NR3C2: variants seen among roughly 807,000 people sequenced by gnomAD.
NR3C2 encodes the protein mineralocorticoid receptor.
A neutral mutation model predicts 86.4 loss-of-function variants in NR3C2; 15 were observed. The ratio of observed to expected loss-of-function variants is 0.17; its 90% CI spans 0.12 to 0.27. The LOEUF is 0.27. Among genes scored for constraint, NR3C2 ranks in the 10% least tolerant of loss-of-function variants. The pLI is 1.00. For synonymous variants in NR3C2, 458 were observed against 450.5 expected (o/e 1.02, Z -0.21); for missense variants, 960 against 1,195.6 (o/e 0.80, Z 2.91).
intron 6 of NR3C2, among the ~76,000 whole-genome samples, chr4:148,149,346 TTTC>T (rs1425789363): frequency 1.3e-5 from 2 of 150,440 alleles, no homozygotes; most frequent in African/African-American, 5.0e-5. Flanking sequence ...TATATGACCT[TTTC>T]TTTTTTTTTG....
rs551984209 is a variant in NR3C2, at chr4:148,198,808, C to T, written c.1898-3946G>A. Among the ~76,000 whole-genome samples the T allele has an allele frequency of 5.9e-5, 9 of 151,536 alleles. No individual in the cohort carries two copies. In the South Asian group the frequency reaches 1.5e-3, roughly 25 times the overall value. On this transcript the variant is annotated intron_variant, in intron 3 of 8. Coordinates refer to ENST00000358102, the MANE Select transcript of NR3C2 (RefSeq NM_000901.5). Reference sequence around the variant, plus strand: ...CTTAAAAAAAAAATGGGGCCAGGTGCGGTGGCTCACGCCTGTAATCCCAGC... The same window carrying T: ...CTTAAAAAAAAAATGGGGCCAGGTGTGGTGGCTCACGCCTGTAATCCCAGC...
chr4:148,281,808 CT>C (rs1561017454), intron 2 of NR3C2, among the ~76,000 whole-genome samples: 3 of 152,214 alleles, frequency 2.0e-5, no homozygotes, highest in Admixed American at 1.3e-4. Flanking sequence ...AAAGATGCTC[CT>C]GTCCTTTGGA....
intron 2 of NR3C2, among the ~76,000 whole-genome samples, chr4:148,273,762 G>A (rs572253358): frequency 1.3e-5 from 2 of 152,266 alleles, no homozygotes; most frequent in African/African-American, 4.8e-5. Flanking sequence ...CCAGGTCAAG[G>A]CTAGGAACTA....
chr4:148,346,789 A>G (rs920113123), intron 2 of NR3C2, among the ~76,000 whole-genome samples: 4 of 149,980 alleles, frequency 2.7e-5, no homozygotes, highest in Admixed American at 2.7e-4. Flanking sequence ...TCACTTTTGT[A>G]GTGTGGCTAC....
rs1342991288 is a variant in NR3C2, at chr4:148,321,127, C to T, written c.1758-61010G>A. ...AACATCTTCATTTCTGCCTTCATTT[C>T]GTTATGTACCCAGTAGTCATTCAGG... On this transcript the variant is annotated intron_variant, in intron 2 of 8. Coordinates refer to ENST00000358102, the MANE Select transcript of NR3C2 (RefSeq NM_000901.5). 2.5e-4 allele frequency among the ~76,000 whole-genome samples: 36 copies of T among 146,932 alleles called. No homozygotes were observed. The East Asian group carries it at 5.5e-3, about 23-fold the overall frequency.
rs891419685 is a variant in NR3C2, at chr4:148,315,220, T to C, written c.1758-55103A>G. Among the ~76,000 whole-genome samples the C allele has an allele frequency of 2.6e-5, 4 of 152,254 alleles. No individual in the cohort carries two copies. In the East Asian group the frequency reaches 7.7e-4, roughly 29 times the overall value. On this transcript the variant is annotated intron_variant, in intron 2 of 8. Transcript: ENST00000358102. Reference sequence around the variant, plus strand: ...AGTAGGGTCTTCCCATGGTTGAGCATACTCAGCTCTTAGTTATGTAGACAT... The same window carrying C: ...AGTAGGGTCTTCCCATGGTTGAGCACACTCAGCTCTTAGTTATGTAGACAT...
At chr4:148,268,785 G>A (rs1740522861) in intron 2 of NR3C2, among the ~76,000 whole-genome samples, 1 of 152,116 alleles carries the variant, frequency 6.6e-6, no homozygotes, top group Admixed American at 6.5e-5. Flanking sequence ...AATGATTCTA[G>A]GACAAAGAGT....
At chr4:148,412,130 AG>A (rs1224547681) in intron 2 of NR3C2, among the ~76,000 whole-genome samples, 1 of 152,164 alleles carries the variant, frequency 6.6e-6, no homozygotes, top group Non-Finnish European at 1.5e-5. Flanking sequence ...GGGTCGCCAT[AG>A]GGACTAATGC....
intron 4 of NR3C2, among the ~76,000 whole-genome samples, chr4:148,164,962 C>G (rs17676810): frequency 0.014 from 2,145 of 152,190 alleles, 43 homozygotes; most frequent in African/African-American, 0.043. Flanking sequence ...CCAGGAAGGG[C>G]CCTGTGCATA....
chr4:148,422,991 GT>G (rs1198372356), intron 2 of NR3C2, among the ~76,000 whole-genome samples: 2 of 151,946 alleles, frequency 1.3e-5, no homozygotes, highest in Non-Finnish European at 2.9e-5. Context: ...AACATACATG[GT>G]TTAGTCATGT....
At chr4:148,241,761 A>G (rs371610990) in intron 3 of NR3C2, among the ~76,000 whole-genome samples, 4 of 152,350 alleles carry the variant, frequency 2.6e-5, no homozygotes, top group African/African-American at 7.2e-5. Context: ...CCCAGTGCCA[A>G]TGACAGCATC....
intron 3 of NR3C2, among the ~76,000 whole-genome samples, chr4:148,200,575 T>A (rs180688947): frequency 5.3e-4 from 80 of 152,324 alleles, no homozygotes; most frequent in African/African-American, 8.7e-4. Flanking sequence ...TGGTTAAACT[T>A]CTGAATCATG....
intron 2 of NR3C2, among the ~76,000 whole-genome samples, chr4:148,305,022 TA>T (rs56203707): frequency 0.31 from 45,198 of 148,184 alleles, 6,814 homozygotes; most frequent in Middle Eastern, 0.47. Context: ...ACTAACGAGT[TA>T]AAAAAAAAAA....
chr4:148,442,732 A>G (rs1165062574), upstream of NR3C2: 3 of 985,266 alleles, frequency 3.0e-6, no homozygotes, highest in African/African-American at 5.2e-5. Context: ...TTAAAGCCGC[A>G]GCCGCGGCGG....
intron 3 of NR3C2, among the ~76,000 whole-genome samples, chr4:148,247,422 G>C (rs1245006948): frequency 6.6e-6 from 1 of 152,156 alleles, no homozygotes; most frequent in Non-Finnish European, 1.5e-5. Flanking sequence ...GAGTTCAGTA[G>C]TGGGCAACTT....
Position 148,081,576 on chromosome 4 carries a change from G to C in NR3C2, c.2800-77C>G, listed in dbSNP as rs370332329. 2.7e-3 allele frequency: 4,332 copies of C among 1,599,404 alleles called. 130 individuals carry two copies. The South Asian group carries it at 0.045, about 17-fold the overall frequency. ...GATCCCTCTGCCTTCTGACTTTGGT[G>C]GGAACTCAAATGACAACATTTAGAA... On this transcript the variant is annotated intron_variant, in intron 8 of 8. Coordinates refer to ENST00000358102, the MANE Select transcript of NR3C2 (RefSeq NM_000901.5).
In NR3C2 at chr4:148,435,336, G is replaced by C; in HGVS notation, c.1525C>G (p.Pro509Ala). Residue 509 changes from proline to alanine, a missense_variant, in exon 2 of 9, where the codon CCT becomes GCT. Physicochemically the swap from Pro to Ala is conservative, Grantham distance 27. Coordinates refer to ENST00000358102, the MANE Select transcript of NR3C2 (RefSeq NM_000901.5). ...TTCACCCCAACAATAGCAGAGGAAGGGATGCTGGCCTCTGGGTAATAGCTC... is the reference window on the plus strand; with the variant it reads ...TTCACCCCAACAATAGCAGAGGAAGCGATGCTGGCCTCTGGGTAATAGCTC... ...DGSYYPEASI[P>A]SSAIVGVNSG... The C allele has an allele frequency of 1.2e-6, 2 of 1,614,152 alleles. No individual in the cohort carries two copies. The highest frequency in any genetic ancestry group is 2.7e-5 in the African/African-American group (2 of 75,026).
chr4:148,108,261 A>G (rs1379440605), intron 8 of NR3C2, among the ~76,000 whole-genome samples: 2 of 151,634 alleles, frequency 1.3e-5, no homozygotes, highest in Non-Finnish European at 2.9e-5. Flanking sequence ...GCATCACCAC[A>G]CCCGGCTAAT....
intron 2 of NR3C2, among the ~76,000 whole-genome samples, chr4:148,345,171 T>C (rs1459159443): frequency 1.3e-5 from 2 of 152,176 alleles, no homozygotes; most frequent in Non-Finnish European, 2.9e-5. Flanking sequence ...TGCCAGATTC[T>C]GTGGTTCAGA....
Sources: gnomAD v4.1 joint callset for allele counts (sites outside exome capture counted in the v4.1 genomes callset) on GRCh38, gnomAD v4.1.1 for gene constraint, MANE v1.5 for transcripts, NCBI Gene and HGNC (gene_info 2026-07-23, HGNC 2026-07-21) for gene names.